ZFHX3: variants seen among roughly 807,000 people sequenced by gnomAD.
ZFHX3 encodes zinc finger homeobox 3.
Under a neutral mutation model 279.1 loss-of-function variants are expected in ZFHX3, and 42 were observed. The ratio of observed to expected loss-of-function variants is 0.15; its 90% confidence interval spans 0.12 to 0.19. The LOEUF (loss-of-function observed/expected upper bound fraction) is 0.19, where lower values mean the gene tolerates loss of function less well. Ranked by LOEUF, ZFHX3 falls within the 10% of genes least tolerant of loss-of-function variation. The pLI is 1.00. For missense variants in ZFHX3, 4,981 were observed against 4,754.0 expected, an observed-to-expected ratio of 1.05 and a Z score of -1.40; for synonymous variants, 2,293 against 1,957.8, an observed-to-expected ratio of 1.17 and a Z score of -4.52.
At position 72,958,172 on chromosome 16, in the gene ZFHX3, G is replaced by C. The variant is rs1421766904; in HGVS notation, c.1974C>G (p.His658Gln). ...AGTTACGAGAATGCATCATGGTCATGTGGCCGCCCAGCGAGCGGGAGGAGC... is the reference window on the plus strand; with the variant it reads ...AGTTACGAGAATGCATCATGGTCATCTGGCCGCCCAGCGAGCGGGAGGAGC... ...VLGSSRSLGG[H>Q]MTMMHSRNSC... The change falls in exon 2 of 10, where the codon CAC becomes CAG. Residue 658 changes from histidine (H) to glutamine (Q), a missense_variant. His to Gln is a conservative substitution (Grantham distance 24, BLOSUM62 0). Transcript: ENST00000268489. The C allele has an allele frequency of 6.2e-7, 1 of 1,613,710 alleles. No individual in the cohort carries two copies. Among genetic ancestry groups the C allele is most frequent in the East Asian group, 2.2e-5 (1 of 44,852 alleles).
intron 2 of ZFHX3, among the ~76,000 whole-genome samples, chr16:73,630,606 A>G (rs1026496623): frequency 6.6e-6 from 1 of 152,236 alleles, no homozygotes; most frequent in African/African-American, 2.4e-5. Flanking sequence ...TTTTACCAAC[A>G]AAACAACAGT....
At chr16:73,736,899 T>C (rs1039459116) in intron 1 of ZFHX3, among the ~76,000 whole-genome samples, 8 of 152,244 alleles carry the variant, frequency 5.3e-5, no homozygotes, top group African/African-American at 1.9e-4. Flanking sequence ...TGTATCAACA[T>C]ATGCTTTATT....
chr16:73,189,279 C>T (rs1967979280), intron 5 of ZFHX3, among the ~76,000 whole-genome samples: 1 of 152,188 alleles, frequency 6.6e-6, no homozygotes, highest in African/African-American at 2.4e-5. Flanking sequence ...GATTCCAAAC[C>T]CTTTCCGGGC....
At position 73,822,073 on chromosome 16, in the gene ZFHX3, T is replaced by A. The variant is rs541913320; in HGVS notation, c.-1608+69578A>T. ...TCCCTTCCTGCAATCTTCAGTCACA[T>A]AGAAAGACATCTCCCCTGGCATCAT... On this transcript the variant is annotated intron_variant, in intron 1 of 17. Transcript: ENST00000641206. Among the ~76,000 whole-genome samples the A allele has an allele frequency of 2.0e-4, 31 of 152,332 alleles. 1 individual carries two copies. In the East Asian group the frequency reaches 5.8e-3, roughly 28 times the overall value.
intron 3 of ZFHX3, among the ~76,000 whole-genome samples, chr16:72,892,668 T>G (rs1427761650): frequency 1.3e-5 from 2 of 152,034 alleles, no homozygotes; most frequent in Non-Finnish European, 2.9e-5. Context: ...CCACCACACC[T>G]AGCTAATTTT....
At chr16:73,792,856 A>ACCCCCCCCCCC (rs55813623) in intron 1 of ZFHX3, among the ~76,000 whole-genome samples, 19 of 135,092 alleles carry the variant, frequency 1.4e-4, no homozygotes, top group African/African-American at 1.7e-4. Context: ...CATACAGTGC[A>ACCCCCCCCCCC]CCCCCCCCCT....
At chr16:72,941,288 A>G (rs1329610290) in intron 3 of ZFHX3, among the ~76,000 whole-genome samples, 1 of 152,262 alleles carries the variant, frequency 6.6e-6, no homozygotes, top group African/African-American at 2.4e-5. Flanking sequence ...ACACTTTTCT[A>G]TAAATAACAA....
At chr16:73,805,642 G>A (rs931989007) in intron 1 of ZFHX3, among the ~76,000 whole-genome samples, 2 of 152,230 alleles carry the variant, frequency 1.3e-5, no homozygotes, top group Non-Finnish European at 2.9e-5. Context: ...AAACAAACAT[G>A]TTAAGCACCA....
rs57920133 is a variant in ZFHX3 at position 72,955,976 on chromosome 16, C to G, written c.2719+1451G>C. Among the ~76,000 whole-genome samples, 1,088 of 152,222 alleles carry G rather than the reference C, an allele frequency of 7.1e-3. 22 individuals are homozygous for G. The highest frequency in any genetic ancestry group is 0.025 in the African/African-American group (1,026 of 41,526). On this transcript the variant is annotated intron_variant, in intron 2 of 9. Coordinates refer to ENST00000268489, the MANE Select transcript of ZFHX3 (RefSeq NM_006885.4). ...CCATCTCCTGGTGTGCATGGTTCAC[C>G]CTGGTGACAAATAAGACGACCAGTG...
intron 1 of ZFHX3, among the ~76,000 whole-genome samples, chr16:73,698,373 T>C (rs1234040349): frequency 6.6e-6 from 1 of 152,134 alleles, no homozygotes; most frequent in Non-Finnish European, 1.5e-5. Context: ...ATAGTAAGAA[T>C]TGTTAGAGGT....
chr16:73,283,219 C>T (rs1382127801), intron 4 of ZFHX3, among the ~76,000 whole-genome samples: 1 of 152,184 alleles, frequency 6.6e-6, no homozygotes, highest in Non-Finnish European at 1.5e-5. Flanking sequence ...CAACTGTTTA[C>T]ATTTACCGAT....
intron 3 of ZFHX3, among the ~76,000 whole-genome samples, chr16:73,455,370 A>G (rs992590392): frequency 6.6e-6 from 1 of 152,170 alleles, no homozygotes; most frequent in Admixed American, 6.5e-5. Flanking sequence ...CATGCAAACT[A>G]AAGAGTGAAA....
intron 3 of ZFHX3, among the ~76,000 whole-genome samples, chr16:73,415,226 G>A (rs553118396): frequency 4.6e-4 from 70 of 152,262 alleles, no homozygotes; most frequent in African/African-American, 1.4e-3. Context: ...ATATCAATAC[G>A]AAGTGGTTCT....
intron 2 of ZFHX3, among the ~76,000 whole-genome samples, chr16:73,613,298 C>T (rs1028309608): frequency 3.9e-5 from 6 of 152,146 alleles, no homozygotes; most frequent in South Asian, 2.1e-4. Context: ...AGCTCTGATC[C>T]ACCCAGGGCC....
chr16:73,210,064 G>A (rs1461640913), intron 5 of ZFHX3, among the ~76,000 whole-genome samples: 1 of 152,170 alleles, frequency 6.6e-6, no homozygotes, highest in East Asian at 1.9e-4. Flanking sequence ...TAAGAACTTG[G>A]CCTGGAAGGA....
intron 4 of ZFHX3, among the ~76,000 whole-genome samples, chr16:72,861,152 G>A (rs2037879987): frequency 6.6e-6 from 1 of 152,216 alleles, no homozygotes; most frequent in African/African-American, 2.4e-5. Context: ...CCTTCTGGAA[G>A]TGCTTGGTAC....
Position 73,498,548 on chromosome 16 carries a change from C to T in ZFHX3, c.-1546-42290G>A, listed in dbSNP as rs371425665. Among the ~76,000 whole-genome samples the T allele has an allele frequency of 6.1e-4, 93 of 152,248 alleles. 1 individual carries two copies. The highest frequency in any genetic ancestry group is 3.7e-3 in the South Asian group (18 of 4,820). ...AAGAAGGAATTTCTTTATGGAAAAG[C>T]GATAGCAACAGCATCTTTTTAAAGA... is the stretch of plus-strand genomic sequence containing the variant. On this transcript the variant is annotated intron_variant, in intron 2 of 17. Coordinates refer to the ZFHX3 transcript ENST00000641206.
chr16:73,686,528 A>G (rs556052647), intron 1 of ZFHX3, among the ~76,000 whole-genome samples: 3 of 152,294 alleles, frequency 2.0e-5, no homozygotes, highest in African/African-American at 7.2e-5. Context: ...GAATTCTTGC[A>G]TGTTCTCTGA....
intron 1 of ZFHX3, among the ~76,000 whole-genome samples, chr16:73,725,416 C>T (rs1200228086): frequency 6.6e-6 from 1 of 152,054 alleles, no homozygotes; most frequent in Non-Finnish European, 1.5e-5. Context: ...GCAGGAAGAC[C>T]CAGGAGATGA....
Sources: allele counts gnomAD v4.1 joint callset (sites outside exome capture counted in the v4.1 genomes callset), GRCh38; gene constraint gnomAD v4.1.1; transcripts MANE v1.5; gene names NCBI Gene and HGNC (gene_info 2026-07-23, HGNC 2026-07-21).